Variants in FSTL4 observed in about 807,000 individuals in gnomAD.
FSTL4 encodes follistatin-related protein 4.
FSTL4 carries 28 observed loss-of-function variants against 78.2 expected under a neutral mutation model. The ratio of observed to expected loss-of-function variants is 0.36; its 90% CI spans 0.27 to 0.49. The LOEUF is 0.49. Among genes scored for constraint, FSTL4 ranks in the 20% least tolerant of loss-of-function variants. The pLI, the probability that FSTL4 is intolerant of heterozygous loss-of-function variation, is 0.98. For missense variants in FSTL4, 922 were observed against 1,084.9 expected (o/e 0.85, Z 2.11); for synonymous variants, 422 against 440.5 (o/e 0.96, Z 0.53).
intron 6 of FSTL4, among the ~76,000 whole-genome samples, chr5:133,261,360 T>TACA (rs1371742798): frequency 2.3e-4 from 35 of 152,164 alleles, no homozygotes; most frequent in Admixed American, 1.4e-3. Context: ...GATGTGAGTT[T>TACA]TAAGAACTAT....
chr5:133,647,155 C>A, the FSTL4 span, among the ~76,000 whole-genome samples: 1 of 152,262 alleles, frequency 6.6e-6, no homozygotes, highest in East Asian at 1.9e-4. Flanking sequence ...ACACCGCACC[C>A]AGCTCTATCC....
At chr5:133,834,761 T>C in the FSTL4 span, among the ~76,000 whole-genome samples, 13 of 152,114 alleles carry the variant, frequency 8.5e-5, no homozygotes, top group Admixed American at 8.5e-4. Flanking sequence ...AAGGTGTTCT[T>C]GACACAATTG....
chr5:133,599,159 G>T (rs1760802485), intron 2 of FSTL4, among the ~76,000 whole-genome samples: 1 of 152,210 alleles, frequency 6.6e-6, no homozygotes, highest in Non-Finnish European at 1.5e-5. Flanking sequence ...AACAGTGAAA[G>T]TGTTTTTGTA....
chr5:133,808,226 A>G, the FSTL4 span, among the ~76,000 whole-genome samples: 1 of 152,400 alleles, frequency 6.6e-6, no homozygotes, highest in African/African-American at 2.4e-5. Flanking sequence ...GACATAGTGC[A>G]TCTCTAACAG....
intron 13 of FSTL4, among the ~76,000 whole-genome samples, chr5:133,215,382 G>A (rs970505595): frequency 6.6e-6 from 1 of 152,074 alleles, no homozygotes; most frequent in Non-Finnish European, 1.5e-5. Context: ...TACCCAAATC[G>A]ATATCTCTAG....
At chr5:133,616,370 C>G (rs969307082), upstream of FSTL4, among the ~76,000 whole-genome samples, 10 of 141,394 alleles carry the variant, frequency 7.1e-5, no homozygotes, top group Admixed American at 2.1e-4. Context: ...TAAAGGTGAA[C>G]TGCTACCTTA....
At chr5:133,257,252 T>C (rs1752402446) in intron 6 of FSTL4, among the ~76,000 whole-genome samples, 2 of 152,228 alleles carry the variant, frequency 1.3e-5, no homozygotes, top group South Asian at 4.2e-4. Context: ...AAGTGTTAAG[T>C]GGGGAGGGAG....
intron 2 of FSTL4, among the ~76,000 whole-genome samples, chr5:133,580,947 A>C (rs1042703828): frequency 1.2e-4 from 19 of 152,166 alleles, no homozygotes; most frequent in African/African-American, 4.6e-4. Flanking sequence ...TCCGACTCCT[A>C]CCCACACTCA....
chr5:133,704,701 G>A, the FSTL4 span, among the ~76,000 whole-genome samples: 2 of 152,234 alleles, frequency 1.3e-5, no homozygotes, highest in Admixed American at 6.5e-5. Context: ...TGTCAGCAGC[G>A]TGGGCTTCAC....
intron 3 of FSTL4, among the ~76,000 whole-genome samples, chr5:133,549,202 C>G (rs1759643156): frequency 6.6e-6 from 1 of 152,026 alleles, no homozygotes; most frequent in Admixed American, 6.6e-5. Flanking sequence ...CCTGTTTTCT[C>G]TCTTTAACCC....
At chr5:133,786,571 C>T in the FSTL4 span, among the ~76,000 whole-genome samples, 2 of 152,156 alleles carry the variant, frequency 1.3e-5, no homozygotes, top group African/African-American at 4.8e-5. Context: ...GCTGGAGGCC[C>T]GATCGGTCAA....
At chr5:133,782,300 G>C in the FSTL4 span, among the ~76,000 whole-genome samples, 1 of 152,206 alleles carries the variant, frequency 6.6e-6, no homozygotes, top group East Asian at 1.9e-4. Flanking sequence ...TATGTACTGG[G>C]CCACTACAGA....
Position 133,462,384 on chromosome 5 carries a change from C to T in FSTL4, c.161-61398G>A, listed in dbSNP as rs142869712. ...TGTCCCTTTGGTGCCAGGGCACATG[C>T]GTGCTCTTGTTCTCACTCCAAGATG... On this transcript the variant is annotated intron_variant, in intron 3 of 15. Coordinates refer to ENST00000265342, the MANE Select transcript of FSTL4 (RefSeq NM_015082.2). 4.9e-3 allele frequency among the ~76,000 whole-genome samples: 741 copies of T among 152,336 alleles called. 5 individuals are homozygous for T. Among genetic ancestry groups the T allele is most frequent in the African/African-American group, 0.017 (715 of 41,576 alleles).
intron 12 of FSTL4, among the ~76,000 whole-genome samples, chr5:133,217,761 C>T (rs557669838): frequency 6.6e-6 from 1 of 152,286 alleles, no homozygotes; most frequent in Non-Finnish European, 1.5e-5. Flanking sequence ...GGCTCTAGTC[C>T]TCAGAGCTGA....
rs146546994 is a variant in FSTL4, at chr5:133,376,354, T to C, written c.409+24384A>G. Among the ~76,000 whole-genome samples the C allele has an allele frequency of 2.1e-3, 323 of 152,252 alleles. 2 individuals carry two copies. The highest frequency in any genetic ancestry group is 7.3e-3 in the African/African-American group (305 of 41,552). On this transcript the variant is annotated intron_variant, in intron 4 of 15. Transcript: ENST00000265342. The stretch of plus-strand genomic sequence containing the variant: ...TTTCAATAAATGGAGTTAGGGCAAA[T>C]TGGAATTGGAATTCATGTGAAAAAT...
rs79585078 is a variant in FSTL4, at chr5:133,503,171, C to T, written c.160+64015G>A. 2.8e-4 allele frequency among the ~76,000 whole-genome samples: 42 copies of T among 152,230 alleles called. No homozygotes were observed. The East Asian group carries it at 7.7e-3, about 28-fold the overall frequency. ...CTTTCCAGAGAGATATAGAAATGAT[C>T]ACAGATCATGCTTACTCCCAGATTC... On this transcript the variant is annotated intron_variant, in intron 3 of 15. Transcript: ENST00000265342.
the FSTL4 span, among the ~76,000 whole-genome samples, chr5:133,815,479 A>G: frequency 1.3e-5 from 2 of 152,246 alleles, no homozygotes; most frequent in East Asian, 3.9e-4. Context: ...TCCGTGGTTT[A>G]TGGGAGCAAT....
the FSTL4 span, among the ~76,000 whole-genome samples, chr5:133,625,041 A>C: frequency 2.8e-3 from 422 of 151,546 alleles, 4 homozygotes; most frequent in African/African-American, 9.8e-3. Context: ...TCCATTAAGA[A>C]TGTTTGTGTC....
At chr5:133,219,974 C>A (rs1020249034) in intron 12 of FSTL4, among the ~76,000 whole-genome samples, 1 of 152,242 alleles carries the variant, frequency 6.6e-6, no homozygotes, top group Non-Finnish European at 1.5e-5. Flanking sequence ...AACAGCTTTT[C>A]CCAAAGCCAC....
Sources: allele counts gnomAD v4.1 joint callset (sites outside exome capture counted in the v4.1 genomes callset), GRCh38; gene constraint gnomAD v4.1.1; transcripts MANE v1.5; gene names NCBI Gene and HGNC (gene_info 2026-07-23, HGNC 2026-07-21).